The following STARD13 variants were observed in gnomAD, a reference collection of about 807,000 sequenced individuals.
STARD13 encodes stAR-related lipid transfer protein 13.
In STARD13, 62 loss-of-function variants were observed where a neutral mutation model predicts 106.4. That is an observed-to-expected ratio of 0.58 (90% CI 0.48 to 0.72). The LOEUF is 0.72. STARD13 is among the 30% of genes least tolerant of loss of function. The probability of loss-of-function intolerance (pLI) is 0.00; values close to 1 mark genes in which losing one functional copy is unlikely to be tolerated. For synonymous variants in STARD13, 565 were observed against 553.0 expected, an observed-to-expected ratio of 1.02 and a Z score of -0.31; for missense variants, 1,387 against 1,424.0, an observed-to-expected ratio of 0.97 and a Z score of 0.42.
the STARD13 span, among the ~76,000 whole-genome samples, chr13:33,444,461 G>C: frequency 1.3e-5 from 2 of 152,084 alleles, no homozygotes; most frequent in African/African-American, 4.8e-5. Context: ...ATTCCTTTGA[G>C]TTACATTTAA....
At chr13:33,486,399 T>G in the STARD13 span, among the ~76,000 whole-genome samples, 1 of 152,298 alleles carries the variant, frequency 6.6e-6, no homozygotes, top group South Asian at 2.1e-4. Flanking sequence ...TTCCTATATG[T>G]ACCTACCTAT....
chr13:33,579,992 T>G, the STARD13 span, among the ~76,000 whole-genome samples: 1 of 152,140 alleles, frequency 6.6e-6, no homozygotes, highest in African/African-American at 2.4e-5. Context: ...TGCTTGGGAA[T>G]GCAGTCTGAC....
chr13:33,609,085 C>CAA, the STARD13 span, among the ~76,000 whole-genome samples: 1,664 of 42,308 alleles, frequency 0.039, 35 homozygotes, highest in East Asian at 0.094. Context: ...GACTCCGTCT[C>CAA]AAAAAAAAAA....
chr13:33,554,854 CA>C, the STARD13 span, among the ~76,000 whole-genome samples: 1 of 152,106 alleles, frequency 6.6e-6, no homozygotes, highest in Non-Finnish European at 1.5e-5. Context: ...GGGTTGGGAT[CA>C]AAATTATGTG....
the STARD13 span, among the ~76,000 whole-genome samples, chr13:33,597,838 G>T: frequency 4.0e-5 from 6 of 151,130 alleles, no homozygotes; most frequent in African/African-American, 1.5e-4. Flanking sequence ...TGGGCAACAA[G>T]AGTGAAACTC....
At chr13:33,247,697 T>C (rs1465052167) in intron 1 of STARD13, among the ~76,000 whole-genome samples, 2 of 152,236 alleles carry the variant, frequency 1.3e-5, no homozygotes, top group Non-Finnish European at 2.9e-5. Flanking sequence ...CAGTTATATA[T>C]GTATATGAAT....
the STARD13 span, among the ~76,000 whole-genome samples, chr13:33,607,450 C>T: frequency 6.6e-6 from 1 of 151,978 alleles, no homozygotes; most frequent in Non-Finnish European, 1.5e-5. Flanking sequence ...GTGCGTGCCA[C>T]CACACCTGGC....
chr13:33,467,350 A>G, the STARD13 span, among the ~76,000 whole-genome samples: 1 of 152,076 alleles, frequency 6.6e-6, no homozygotes, highest in East Asian at 1.9e-4. Flanking sequence ...TTGCACTCCT[A>G]TGAGAATCTA....
chr13:33,417,106 T>C, the STARD13 span, among the ~76,000 whole-genome samples: 322 of 152,228 alleles, frequency 2.1e-3, 1 homozygote, highest in African/African-American at 7.3e-3. Context: ...AAGTGACCAA[T>C]AGGCACACAA....
At chr13:33,122,951 G>T (rs1876569645) in intron 7 of STARD13, among the ~76,000 whole-genome samples, 2 of 150,292 alleles carry the variant, frequency 1.3e-5, no homozygotes, top group South Asian at 4.2e-4. Context: ...AGCCACTCAG[G>T]AGGCTGAGGC....
At chr13:33,337,231 T>A (rs2077907236) in intron 1 of STARD13, among the ~76,000 whole-genome samples, 1 of 152,184 alleles carries the variant, frequency 6.6e-6, no homozygotes, top group African/African-American at 2.4e-5. Context: ...CCTAATTTCC[T>A]TTTCTGAGTA....
intron 1 of STARD13, among the ~76,000 whole-genome samples, chr13:33,189,136 A>G (rs898914659): frequency 1.1e-4 from 16 of 152,122 alleles, no homozygotes; most frequent in African/African-American, 3.9e-4. Context: ...GAATAGCTCG[A>G]TGCTTCATAT....
At chr13:33,302,296 C>T (rs138628283) in intron 1 of STARD13, among the ~76,000 whole-genome samples, 59 of 152,320 alleles carry the variant, frequency 3.9e-4, no homozygotes, top group Non-Finnish European at 7.1e-4. Flanking sequence ...ACCATCATGA[C>T]TAGAATGCTG....
At chr13:33,167,980 CTT>C (rs34360802) in intron 1 of STARD13, among the ~76,000 whole-genome samples, 26 of 149,442 alleles carry the variant, frequency 1.7e-4, no homozygotes, top group Non-Finnish European at 2.1e-4. Context: ...CTTTACAATT[CTT>C]TTTTTTTTTA....
intron 1 of STARD13, among the ~76,000 whole-genome samples, chr13:33,246,720 AAGAG>A (rs760440094): frequency 3.3e-5 from 5 of 151,208 alleles, no homozygotes; most frequent in South Asian, 2.1e-4. Context: ...AACAAAAACT[AAGAG>A]AGAGAGAGAG....
chr13:33,618,064 T>C, the STARD13 span, among the ~76,000 whole-genome samples: 2 of 152,222 alleles, frequency 1.3e-5, no homozygotes, highest in African/African-American at 4.8e-5. Flanking sequence ...GTCACATATG[T>C]AAATGATGAA....
chr13:33,234,513 T>C (rs920005196), intron 1 of STARD13, among the ~76,000 whole-genome samples: 1 of 152,258 alleles, frequency 6.6e-6, no homozygotes, highest in Admixed American at 6.5e-5. Flanking sequence ...AAAATGGTGC[T>C]ACTCAATGTT....
chr13:33,551,228 G>C, the STARD13 span, among the ~76,000 whole-genome samples: 1 of 152,296 alleles, frequency 6.6e-6, no homozygotes, highest in South Asian at 2.1e-4. Context: ...ACGAAGTCTG[G>C]GGCATGTGTG....
At chr13:33,310,103 C>T (rs1204998382) in intron 1 of STARD13, among the ~76,000 whole-genome samples, 1 of 152,156 alleles carries the variant, frequency 6.6e-6, no homozygotes, top group Non-Finnish European at 1.5e-5. Context: ...CAGGGCCACA[C>T]TGAGTTCTTT....
Sources: allele counts gnomAD v4.1 joint callset (sites outside exome capture counted in the v4.1 genomes callset), GRCh38; gene constraint gnomAD v4.1.1; transcripts MANE v1.5; gene names NCBI Gene and HGNC (gene_info 2026-07-23, HGNC 2026-07-21).